PTPRD: variants seen among roughly 807,000 people sequenced by gnomAD.
The protein encoded by PTPRD is receptor-type tyrosine-protein phosphatase delta.
In PTPRD, 34 loss-of-function variants were observed where a neutral mutation model predicts 214.5. That is an observed-to-expected ratio of 0.16 (90% confidence interval 0.12 to 0.21). The LOEUF is 0.21. PTPRD is among the 10% of genes least tolerant of loss of function. The pLI is 1.00. For synonymous variants in PTPRD, 1,128 were observed against 845.7 expected, an observed-to-expected ratio of 1.33 and a Z score of -5.79; for missense variants, 2,545 against 2,398.7, an observed-to-expected ratio of 1.06 and a Z score of -1.27.
chr9:8,536,022 T>G (rs1044810689), intron 14 of PTPRD, among the ~76,000 whole-genome samples: 1 of 151,926 alleles, frequency 6.6e-6, no homozygotes, highest in Non-Finnish European at 1.5e-5. Context: ...TTGAACCTTA[T>G]TAGAGTTCCT....
chr9:10,319,596 T>A (rs2096514789), intron 3 of PTPRD, among the ~76,000 whole-genome samples: 1 of 152,036 alleles, frequency 6.6e-6, no homozygotes, highest in Admixed American at 6.6e-5. Context: ...CACCTTAACA[T>A]AAAATTCATT....
chr9:9,936,668 G>T (rs1305205263), intron 5 of PTPRD, among the ~76,000 whole-genome samples: 1 of 131,412 alleles, frequency 7.6e-6, no homozygotes, highest in Non-Finnish European at 1.6e-5. Context: ...TCAGTGTGGC[G>T]ATTCCTCAGG....
chr9:10,034,057 A>T (rs2097132261), intron 3 of PTPRD, among the ~76,000 whole-genome samples: 1 of 152,116 alleles, frequency 6.6e-6, no homozygotes, highest in Non-Finnish European at 1.5e-5. Context: ...TATACTGCCC[A>T]AAGCAATCTA....
rs1569511306 is a variant in PTPRD at position 9,053,384 on chromosome 9, A to G, written c.-142-34649T>C. On this transcript the variant is annotated intron_variant, in intron 10 of 45. Transcript: ENST00000381196. ...AAAAATGCTAGTTGTTATGATGGCCAATGATGATGATGATGATGATGATGA... is the reference window on the plus strand; with the variant it reads ...AAAAATGCTAGTTGTTATGATGGCCGATGATGATGATGATGATGATGATGA... Among the ~76,000 whole-genome samples, 4 of 151,362 alleles carry G rather than the reference A, an allele frequency of 2.6e-5. No homozygotes were observed. In the South Asian group the frequency reaches 6.3e-4, roughly 24 times the overall value.
chr9:9,073,263 T>A (rs1380313143), intron 10 of PTPRD, among the ~76,000 whole-genome samples: 2 of 152,194 alleles, frequency 1.3e-5, no homozygotes, highest in Non-Finnish European at 2.9e-5. Flanking sequence ...TTCTAGTGAT[T>A]ATCAGAGTCA....
At chr9:10,381,100 C>T (rs1402282689) in intron 2 of PTPRD, among the ~76,000 whole-genome samples, 1 of 150,652 alleles carries the variant, frequency 6.6e-6, no homozygotes, top group Non-Finnish European at 1.5e-5. Context: ...AAATATAAGA[C>T]CAAAAAAAAA....
intron 2 of PTPRD, among the ~76,000 whole-genome samples, chr9:10,425,493 C>T (rs1019498545): frequency 6.6e-6 from 1 of 151,906 alleles, no homozygotes; most frequent in African/African-American, 2.4e-5. Context: ...CTTTGTTCTC[C>T]AAGCACTGAG....
chr9:8,366,847 C>G (rs765968131), intron 39 of PTPRD, among the ~76,000 whole-genome samples: 24 of 152,318 alleles, frequency 1.6e-4, no homozygotes, highest in Middle Eastern at 3.4e-3. Context: ...TAGCATTTAT[C>G]AACTCCAAAG....
At chr9:9,838,732 T>C (rs1216068474) in intron 5 of PTPRD, among the ~76,000 whole-genome samples, 1 of 152,214 alleles carries the variant, frequency 6.6e-6, no homozygotes, top group Non-Finnish European at 1.5e-5. Flanking sequence ...TTCACTCTGA[T>C]GGTAGTTTCT....
At chr9:8,521,770 C>T (rs566011862) in intron 19 of PTPRD, among the ~76,000 whole-genome samples, 1 of 152,106 alleles carries the variant, frequency 6.6e-6, no homozygotes, top group Admixed American at 6.5e-5. Flanking sequence ...CTTAGACACA[C>T]TAATACAAAA....
intron 11 of PTPRD, chr9:8,958,726 TC>T (rs1484295596): frequency 6.6e-6 from 1 of 152,012 alleles, no homozygotes; most frequent in African/African-American, 2.4e-5. Flanking sequence ...TATAAGAATT[TC>T]AGAAGAGAAA....
At chr9:9,721,798 C>T (rs1261949246) in intron 7 of PTPRD, among the ~76,000 whole-genome samples, 2 of 151,996 alleles carry the variant, frequency 1.3e-5, no homozygotes, top group Admixed American at 1.3e-4. Flanking sequence ...GAATTAATCA[C>T]ATTAGTAATA....
At chr9:9,336,943 T>C (rs921986063) in intron 9 of PTPRD, among the ~76,000 whole-genome samples, 1 of 152,220 alleles carries the variant, frequency 6.6e-6, no homozygotes, top group East Asian at 1.9e-4. Flanking sequence ...AACAGCTGTA[T>C]ATTTTTTACA....
At chr9:9,545,225 T>C (rs558343887) in intron 8 of PTPRD, among the ~76,000 whole-genome samples, 1 of 151,850 alleles carries the variant, frequency 6.6e-6, no homozygotes, top group African/African-American at 2.4e-5. Flanking sequence ...TAGACAAATG[T>C]ATAACGACAC....
chr9:9,670,974 G>C (rs1021512427), intron 7 of PTPRD, among the ~76,000 whole-genome samples: 3 of 152,118 alleles, frequency 2.0e-5, no homozygotes, highest in African/African-American at 7.2e-5. Context: ...AGTAAGAAGA[G>C]TCTCTATTCC....
intron 14 of PTPRD, among the ~76,000 whole-genome samples, chr9:8,631,138 T>C (rs1317084397): frequency 6.6e-6 from 1 of 151,892 alleles, no homozygotes; most frequent in African/African-American, 2.4e-5. Context: ...GTGAACTATG[T>C]ATGTATATTC....
chr9:9,677,406 G>T (rs144221912), intron 7 of PTPRD, among the ~76,000 whole-genome samples: 2 of 152,122 alleles, frequency 1.3e-5, no homozygotes, highest in Non-Finnish European at 2.9e-5. Context: ...ATGCAAGGCT[G>T]GTTCAACATA....
intron 8 of PTPRD, among the ~76,000 whole-genome samples, chr9:9,542,721 C>T (rs1690815588): frequency 6.6e-6 from 1 of 151,628 alleles, no homozygotes; most frequent in African/African-American, 2.4e-5. Flanking sequence ...TACTCAACAT[C>T]ATTAGTCATT....
chr9:8,367,465 G>A (rs914800081), intron 39 of PTPRD, among the ~76,000 whole-genome samples: 1 of 152,140 alleles, frequency 6.6e-6, no homozygotes, highest in Non-Finnish European at 1.5e-5. Context: ...TAATGTATAG[G>A]ACGGCTCTCA....
Sources: gnomAD v4.1 joint callset for allele counts (sites outside exome capture counted in the v4.1 genomes callset) on GRCh38, gnomAD v4.1.1 for gene constraint, MANE v1.5 for transcripts, NCBI Gene and HGNC (gene_info 2026-07-23, HGNC 2026-07-21) for gene names.